MRPS35: variants seen among roughly 807,000 people sequenced by gnomAD.
MRPS35 encodes the protein mitochondrial ribosomal protein S35.
MRPS35 carries 29 observed loss-of-function variants against 32.7 expected under a neutral mutation model. The observed-to-expected ratio is 0.89, with a 90% confidence interval of 0.66 to 1.21. The LOEUF (loss-of-function observed/expected upper bound fraction) is 1.21. Ranked by LOEUF, MRPS35 falls within the 50% of genes most tolerant of loss-of-function variation. The probability of loss-of-function intolerance (pLI) is 0.00; values close to 1 mark genes in which losing one functional copy is unlikely to be tolerated. For missense variants in MRPS35, 373 were observed against 383.8 expected (o/e 0.97, Z 0.23); for synonymous variants, 148 against 139.3 (o/e 1.06, Z -0.44).
intron 3 of MRPS35, among the ~76,000 whole-genome samples, chr12:27,717,529 A>G (rs1274795775): frequency 1.3e-5 from 2 of 152,246 alleles, no homozygotes; most frequent in African/African-American, 4.8e-5. Context: ...ACTGTTTTCC[A>G]TTAGATGAGA....
Position 27,756,271 on chromosome 12 carries a change from C to A in MRPS35, c.*821C>A, listed in dbSNP as rs1231223843. The A allele has an allele frequency of 6.6e-6, 1 of 152,194 alleles. No individual in the cohort carries two copies. Among genetic ancestry groups the A allele is most frequent in the Non-Finnish European group, 1.5e-5 (1 of 68,034 alleles). The allele number at this position is 152,194 out of a possible 1,614,324, so 9.4% of individuals were successfully genotyped here. On this transcript the variant is annotated 3_prime_UTR_variant, in exon 8 of 8. Coordinates refer to ENST00000081029, the MANE Select transcript of MRPS35 (RefSeq NM_021821.4). ...TCGATGGTTGTGATTAATTTAAAAT[C>A]AAAATAAAGGAATTACTGAGTTTAT...
chr12:27,743,490 T>C (rs2061971519), intron 7 of MRPS35, among the ~76,000 whole-genome samples: 2 of 152,096 alleles, frequency 1.3e-5, no homozygotes, highest in African/African-American at 2.4e-5. Context: ...ATGGCGCCAC[T>C]GCACTCCAGC....
intron 7 of MRPS35, among the ~76,000 whole-genome samples, chr12:27,751,166 ATTTTG>A (rs905579173): frequency 1.3e-5 from 2 of 151,816 alleles, no homozygotes; most frequent in African/African-American, 4.8e-5. Context: ...GAAAATGTGA[ATTTTG>A]TTTAGTTTGC....
At chr12:27,720,244 A>G (rs1192760493) in intron 4 of MRPS35, among the ~76,000 whole-genome samples, 2 of 152,218 alleles carry the variant, frequency 1.3e-5, no homozygotes, top group Non-Finnish European at 1.5e-5. Context: ...ATACAAAAAA[A>G]TTAGTCCTGC....
At chr12:27,727,337 A>G (rs1027422222) in intron 5 of MRPS35, among the ~76,000 whole-genome samples, 1 of 152,154 alleles carries the variant, frequency 6.6e-6, no homozygotes, top group Non-Finnish European at 1.5e-5. Flanking sequence ...ATAAACACAT[A>G]CACAACAGTG....
chr12:27,737,703 T>C, intron 7 of MRPS35, 95 bp downstream of exon 7: 1 of 936,902 alleles, frequency 1.1e-6, no homozygotes. Flanking sequence ...CAACTGAGTA[T>C]TTTGTGAACT....
intron 7 of MRPS35, among the ~76,000 whole-genome samples, chr12:27,751,346 C>T (rs1023331418): frequency 3.3e-5 from 5 of 152,060 alleles, no homozygotes; most frequent in East Asian, 1.9e-4. Flanking sequence ...TGTCAGATCC[C>T]GGGGTCTGGG....
Position 27,710,966 on chromosome 12 carries a change from G to A in MRPS35, c.112+11G>A. ...CGACACCTAGCCTGCGTGAGTGTCTGTCTCGTCTTCTCTGGGCTTTGGGGG... is the reference window on the plus strand; with the variant it reads ...CGACACCTAGCCTGCGTGAGTGTCTATCTCGTCTTCTCTGGGCTTTGGGGG... On this transcript the variant is annotated intron_variant, in intron 1 of 7. Coordinates refer to ENST00000081029, the MANE Select transcript of MRPS35 (RefSeq NM_021821.4). 1 of 1,609,300 alleles carries A rather than the reference G, an allele frequency of 6.2e-7. No homozygotes were observed. Among genetic ancestry groups the A allele is most frequent in the Non-Finnish European group, 8.5e-7 (1 of 1,177,606 alleles).
At chr12:27,712,972 C>T (rs1041519394) in intron 1 of MRPS35, among the ~76,000 whole-genome samples, 8 of 152,198 alleles carry the variant, frequency 5.3e-5, no homozygotes, top group Non-Finnish European at 8.8e-5. Flanking sequence ...GCCGTAATCG[C>T]ACCACTGCCC....
In MRPS35 at chr12:27,719,983, CAT is replaced by C. The variant is rs1468082904; in HGVS notation, c.382+116_382+117del. 3 of 733,384 alleles carry C rather than the reference CAT, an allele frequency of 4.1e-6. No individual in the cohort carries two copies. In the African/African-American group the frequency reaches 5.4e-5, roughly 13 times the overall value. The allele number at this position is 733,384 out of a possible 1,614,324, so 45.4% of individuals were successfully genotyped here. On this transcript the variant is annotated intron_variant, in intron 4 of 7. Transcript: ENST00000081029. ...TCAAGTTGTTTTCAGTGAATTGTTA[CAT>C]GTCAAGTCTGCAAATTGTTTTTGCT...
At chr12:27,717,917 A>G (rs2061857632) in intron 3 of MRPS35, among the ~76,000 whole-genome samples, 1 of 152,174 alleles carries the variant, frequency 6.6e-6, no homozygotes, top group Non-Finnish European at 1.5e-5. Flanking sequence ...GTCCATGCAA[A>G]TTGTCTATTG....
At chr12:27,716,943 A>G (rs1446393636) in intron 3 of MRPS35, among the ~76,000 whole-genome samples, 1 of 152,106 alleles carries the variant, frequency 6.6e-6, no homozygotes, top group Non-Finnish European at 1.5e-5. Flanking sequence ...GTGAGCCGAG[A>G]TGGCGCCACT....
intron 5 of MRPS35, among the ~76,000 whole-genome samples, chr12:27,728,285 TTTA>T (rs1460521908): frequency 3.3e-5 from 5 of 152,156 alleles, no homozygotes; most frequent in Non-Finnish European, 7.3e-5. Flanking sequence ...TTTTAAATTT[TTTA>T]TTATGAAAAT....
chr12:27,742,959 C>T (rs2061969566), intron 7 of MRPS35, among the ~76,000 whole-genome samples: 1 of 152,014 alleles, frequency 6.6e-6, no homozygotes, highest in African/African-American at 2.4e-5. Flanking sequence ...CTCCCAGGCT[C>T]AGACGATCCT....
intron 5 of MRPS35, among the ~76,000 whole-genome samples, chr12:27,734,126 C>CT (rs1335593224): frequency 1.3e-5 from 2 of 152,008 alleles, no homozygotes; most frequent in African/African-American, 2.4e-5. Context: ...TCCTATTTAG[C>CT]TTTTTTTCTT....
At chr12:27,754,168 C>T (rs967597147) in intron 7 of MRPS35, among the ~76,000 whole-genome samples, 2 of 151,978 alleles carry the variant, frequency 1.3e-5, no homozygotes, top group Admixed American at 6.6e-5. Flanking sequence ...GCAAGAGAAT[C>T]GCTTGAATCC....
At chr12:27,749,148 T>C (rs2061991898) in intron 7 of MRPS35, among the ~76,000 whole-genome samples, 1 of 149,260 alleles carries the variant, frequency 6.7e-6, no homozygotes, top group East Asian at 2.0e-4. Flanking sequence ...ATTTTTTTTT[T>C]CTTCTACTTT....
At chr12:27,754,648 T>A (rs2062018944) in intron 7 of MRPS35, among the ~76,000 whole-genome samples, 1 of 150,874 alleles carries the variant, frequency 6.6e-6, no homozygotes, top group Admixed American at 6.6e-5. Context: ...GCGCCTGTAG[T>A]CCCAGCTACT....
chr12:27,718,994 G>A (rs1289478095), intron 3 of MRPS35, among the ~76,000 whole-genome samples: 1 of 152,140 alleles, frequency 6.6e-6, no homozygotes, highest in Non-Finnish European at 1.5e-5. Context: ...GGCTGAGGGA[G>A]GAGAATTGCT....
Sources: allele counts gnomAD v4.1 joint callset (sites outside exome capture counted in the v4.1 genomes callset), GRCh38; gene constraint gnomAD v4.1.1; transcripts MANE v1.5; gene names NCBI Gene and HGNC (gene_info 2026-07-23, HGNC 2026-07-21).